The following SCN8A variants were observed in gnomAD, a reference collection of about 807,000 sequenced individuals.
SCN8A encodes the protein sodium voltage-gated channel alpha subunit 8, also known as sodium channel protein type 8 subunit alpha.
A neutral mutation model predicts 184.1 loss-of-function variants in SCN8A; 30 were observed. The observed-to-expected ratio is 0.16, with a 90% confidence interval of 0.12 to 0.22. SCN8A has a LOEUF of 0.22. Ranked by LOEUF, SCN8A falls within the 10% of genes least tolerant of loss-of-function variation. The probability of loss-of-function intolerance (pLI) is 1.00; values close to 1 mark genes in which losing one functional copy is unlikely to be tolerated. For missense variants in SCN8A, 1,057 were observed against 2,498.9 expected (o/e 0.42, Z 12.30); for synonymous variants, 852 against 907.0 (o/e 0.94, Z 1.09).
chr12:51,724,903 G>C (rs1942132923), intron 12 of SCN8A, among the ~76,000 whole-genome samples: 1 of 152,162 alleles, frequency 6.6e-6, no homozygotes, highest in Non-Finnish European at 1.5e-5. Context: ...GAAAAAAATT[G>C]AGAGTCAGTT....
intron 1 of SCN8A, among the ~76,000 whole-genome samples, chr12:51,616,425 A>G (rs1049624878): frequency 1.3e-5 from 2 of 152,148 alleles, no homozygotes; most frequent in Admixed American, 1.3e-4. Flanking sequence ...CCTGGCTAAC[A>G]TGGTGAAACC....
chr12:51,591,621 C>T (rs1238576245), intron 1 of SCN8A, among the ~76,000 whole-genome samples: 2 of 152,108 alleles, frequency 1.3e-5, no homozygotes, highest in African/African-American at 2.4e-5. Flanking sequence ...CCCCGGACAC[C>T]CTGCTTTCTC....
At chr12:51,720,843 A>G (rs981058337) in intron 11 of SCN8A, among the ~76,000 whole-genome samples, 2 of 151,752 alleles carry the variant, frequency 1.3e-5, no homozygotes, top group African/African-American at 4.8e-5. Flanking sequence ...AGGCGGGTGG[A>G]TCACCTGAGG....
At chr12:51,687,799 T>C (rs993529392) in intron 5 of SCN8A, among the ~76,000 whole-genome samples, 1 of 152,210 alleles carries the variant, frequency 6.6e-6, no homozygotes, top group African/African-American at 2.4e-5. Flanking sequence ...TCATTTGTGT[T>C]GTTTTAGCAA....
chr12:51,621,415 C>T (rs1939959573), intron 1 of SCN8A, among the ~76,000 whole-genome samples: 1 of 152,176 alleles, frequency 6.6e-6, no homozygotes, highest in African/African-American at 2.4e-5. Flanking sequence ...TTTAAACCAT[C>T]ACTCTAAAGC....
At chr12:51,805,062 A>C (rs1268186296) in intron 26 of SCN8A, among the ~76,000 whole-genome samples, 1 of 152,122 alleles carries the variant, frequency 6.6e-6, no homozygotes, top group Non-Finnish European at 1.5e-5. Flanking sequence ...CATTGTGGAG[A>C]GTATCAGTAT....
intron 12 of SCN8A, among the ~76,000 whole-genome samples, 164 bp from the exon 13 acceptor site, chr12:51,745,739 A>G (rs528319483): frequency 6.6e-6 from 1 of 152,248 alleles, no homozygotes; most frequent in Non-Finnish European, 1.5e-5. Context: ...AGGATGAACC[A>G]TAGCCAATTC....
In SCN8A at chr12:51,762,503, G is replaced by A; in HGVS notation, c.2371G>A (p.Val791Ile). The A allele has an allele frequency of 1.2e-6, 2 of 1,612,532 alleles. No homozygotes were observed. Among genetic ancestry groups the A allele is most frequent in the Non-Finnish European group, 1.7e-6 (2 of 1,179,322 alleles). The change falls in exon 15 of 27, where the codon GTT (valine) becomes ATT (isoleucine). Residue 791 changes from valine to isoleucine, a missense_variant and splice_region_variant. Physicochemically the swap from Val to Ile is conservative, Grantham distance 29. Coordinates refer to ENST00000627620, the MANE Select transcript of SCN8A (RefSeq NM_001330260.2). ...TTACCCCCTGCATCCCCCTATTTAG[G>A]TTTTCACTGGAATTTTCACAGCGGA... Reference protein sequence around the residue: ...FEHVLAVGNLVFTGIFTAEMF... With the variant: ...FEHVLAVGNLIFTGIFTAEMF...
At chr12:51,710,893 CTG>C (rs1325067877) in intron 11 of SCN8A, among the ~76,000 whole-genome samples, 4 of 152,164 alleles carry the variant, frequency 2.6e-5, no homozygotes, top group African/African-American at 9.7e-5. Flanking sequence ...TACATATACT[CTG>C]TGTGCATATT....
chr12:51,606,427 A>T (rs528143973), intron 1 of SCN8A, among the ~76,000 whole-genome samples: 1 of 152,128 alleles, frequency 6.6e-6, no homozygotes, highest in Admixed American at 6.5e-5. Context: ...TGGGTTCTCT[A>T]TTCTGTTCCG....
At chr12:51,635,476 AAT>A (rs1194504113) in intron 1 of SCN8A, among the ~76,000 whole-genome samples, 2 of 152,160 alleles carry the variant, frequency 1.3e-5, no homozygotes, top group African/African-American at 4.8e-5. Flanking sequence ...TTCTTGAATG[AAT>A]GAATGAATGA....
chr12:51,713,864 TAA>T (rs527529513), intron 11 of SCN8A, among the ~76,000 whole-genome samples: 256 of 151,684 alleles, frequency 1.7e-3, no homozygotes, highest in African/African-American at 5.9e-3. Flanking sequence ...TTAAGAAAAT[TAA>T]AAAATATTTA....
At chr12:51,621,539 C>A (rs1361464891) in intron 1 of SCN8A, among the ~76,000 whole-genome samples, 1 of 152,202 alleles carries the variant, frequency 6.6e-6, no homozygotes, top group African/African-American at 2.4e-5. Context: ...AGAGCCTATG[C>A]AGTTATTTGG....
Position 51,701,159 on chromosome 12 carries a change from T to G in SCN8A, c.944T>G (p.Val315Gly). 1 of 1,613,036 alleles carries G rather than the reference T, an allele frequency of 6.2e-7. No homozygotes were observed. Residue 315 changes from valine to glycine, a missense_variant, in exon 8 of 27, where the codon GTT becomes GGT. Around this residue, in one of 19 missense-constraint regions of SCN8A, gnomAD observed 26 missense variants for 44.4 expected, o/e 0.59. Transcript: ENST00000627620. Reference protein sequence around the residue: ...YINNKTNFYTVPGMLEPLLCG... With the variant: ...YINNKTNFYTGPGMLEPLLCG... ...ACTTTTCTAGCAAATTTCTACACAG[T>G]TCCTGGCATGCTGGAACCTTTACTC...
intron 2 of SCN8A, among the ~76,000 whole-genome samples, chr12:51,674,262 A>G (rs896999630): frequency 4.6e-5 from 7 of 152,164 alleles, no homozygotes; most frequent in Admixed American, 2.6e-4. Flanking sequence ...ACTTGTGCAC[A>G]AGTGTCCTTC....
intron 1 of SCN8A, among the ~76,000 whole-genome samples, chr12:51,602,257 A>G (rs1410207042): frequency 6.6e-6 from 1 of 152,200 alleles, no homozygotes; most frequent in African/African-American, 2.4e-5. Context: ...CTATATATGA[A>G]TTGAAACATC....
At chr12:51,619,779 G>A (rs1939921268) in intron 1 of SCN8A, among the ~76,000 whole-genome samples, 1 of 152,162 alleles carries the variant, frequency 6.6e-6, no homozygotes, top group South Asian at 2.1e-4. Flanking sequence ...ACAACCAAAA[G>A]GGAAGGATAT....
Position 51,769,113 on chromosome 12 carries a change from T to G in SCN8A, c.3150T>G (p.Gly1050=), listed in dbSNP as rs552307188. 158 of 1,613,560 alleles carry G rather than the reference T, an allele frequency of 9.8e-5. 1 individual carries two copies. The South Asian group carries it at 1.7e-3, about 17-fold the overall frequency. The part of the protein sequence containing the change: ...KKANCIANHT[G]ADIHRNGDFQ... ...CCAACTGTATCGCCAATCACACCGG[T>G]GCAGACATCCACCGGAATGGTGACT... Residue 1050 remains glycine (G), a synonymous_variant, in exon 17 of 27, where the codon GGT becomes GGG. Coordinates refer to ENST00000627620, the MANE Select transcript of SCN8A (RefSeq NM_001330260.2).
At chr12:51,645,551 G>A (rs898606314) in intron 1 of SCN8A, among the ~76,000 whole-genome samples, 1 of 152,108 alleles carries the variant, frequency 6.6e-6, no homozygotes, top group Admixed American at 6.5e-5. Flanking sequence ...AAATCGGATG[G>A]TTGCCGTGTC....
Sources: gnomAD v4.1 joint callset for allele counts (sites outside exome capture counted in the v4.1 genomes callset) on GRCh38, gnomAD v4.1.1 for gene constraint, gnomAD v4.1.1 regional missense constraint, MANE v1.5 for transcripts, NCBI Gene and HGNC (gene_info 2026-07-23, HGNC 2026-07-21) for gene names.